Variants in PPM1H observed in about 807,000 individuals in gnomAD.
PPM1H encodes protein phosphatase 1H.
A neutral mutation model predicts 54.9 loss-of-function variants in PPM1H; 27 were observed. The observed-to-expected ratio is 0.49, with a 90% CI of 0.36 to 0.68. PPM1H has a LOEUF of 0.68. PPM1H is among the 30% of genes least tolerant of loss of function. The pLI is 0.00. For synonymous variants in PPM1H, 305 were observed against 270.8 expected, an observed-to-expected ratio of 1.13 and a Z score of -1.24; for missense variants, 596 against 667.8, an observed-to-expected ratio of 0.89 and a Z score of 1.19.
intron 2 of PPM1H, among the ~76,000 whole-genome samples, chr12:62,808,161 T>A (rs1304660931): frequency 1.3e-5 from 2 of 152,218 alleles, no homozygotes; most frequent in African/African-American, 2.4e-5. Flanking sequence ...AAACCTTATA[T>A]AGCAGGCAAT....
chr12:62,690,764 G>C (rs1165634335), intron 7 of PPM1H, among the ~76,000 whole-genome samples: 1 of 152,134 alleles, frequency 6.6e-6, no homozygotes, highest in Non-Finnish European at 1.5e-5. Context: ...TTGAGGTCAG[G>C]AGTTTGAGAC....
chr12:62,691,171 T>G (rs2076080877), intron 7 of PPM1H, among the ~76,000 whole-genome samples: 1 of 152,124 alleles, frequency 6.6e-6, no homozygotes, highest in African/African-American at 2.4e-5. Flanking sequence ...AAAGGTGGAT[T>G]GCATCAAGAC....
intron 1 of PPM1H, among the ~76,000 whole-genome samples, chr12:62,839,305 C>G (rs1183993440): frequency 6.6e-6 from 1 of 152,122 alleles, no homozygotes; most frequent in Non-Finnish European, 1.5e-5. Flanking sequence ...AAACTGGGGT[C>G]TCAAGGGCCA....
rs1224580883 is a variant in PPM1H at position 62,737,664 on chromosome 12, G to A, written c.870-78C>T. ...CTGTTACAACCATTGCTTGGTTCAG[G>A]TCACACATGAAATGCCAAGAGATGT... On this transcript the variant is annotated intron_variant, in intron 4 of 9. Coordinates refer to ENST00000228705, the MANE Select transcript of PPM1H (RefSeq NM_020700.2). 3 of 1,020,834 alleles carry A rather than the reference G, an allele frequency of 2.9e-6. No homozygotes were observed. The Admixed American group carries it at 8.5e-5, about 29-fold the overall frequency. The allele number at this position is 1,020,834 out of a possible 1,614,324, so 63.2% of individuals were successfully genotyped here.
At chr12:62,920,257 G>A (rs563809349) in intron 1 of PPM1H, among the ~76,000 whole-genome samples, 3 of 152,130 alleles carry the variant, frequency 2.0e-5, no homozygotes, top group South Asian at 2.1e-4. Context: ...CATCCTCCTC[G>A]GTTACTTATT....
At chr12:62,658,212 T>TTA (rs768288538) in intron 9 of PPM1H, among the ~76,000 whole-genome samples, 2 of 130,534 alleles carry the variant, frequency 1.5e-5, no homozygotes, top group African/African-American at 3.0e-5. Context: ...TTTTTTTTTT[T>TTA]AAGTAAAAAA....
rs923263890 is a variant in PPM1H, at chr12:62,768,709, C to CT, written c.869+19516dup. 3.3e-5 allele frequency among the ~76,000 whole-genome samples: 5 copies of CT among 151,762 alleles called. No homozygotes were observed. The East Asian group carries it at 7.8e-4, about 24-fold the overall frequency. On this transcript the variant is annotated intron_variant, in intron 4 of 9. Coordinates refer to ENST00000228705, the MANE Select transcript of PPM1H (RefSeq NM_020700.2). ...GGGAAGGTTGTGCGAAATGAGAGAA[C>CT]TTTGAGTATGTTTGCAGGCAGGTAA...
chr12:62,742,094 C>A (rs1453165559), intron 4 of PPM1H, among the ~76,000 whole-genome samples: 1 of 151,902 alleles, frequency 6.6e-6, no homozygotes, highest in Non-Finnish European at 1.5e-5. Context: ...GAGGGGGCAG[C>A]AATGGTAGCA....
At chr12:62,819,254 C>T (rs1050941848) in intron 2 of PPM1H, among the ~76,000 whole-genome samples, 2 of 151,772 alleles carry the variant, frequency 1.3e-5, no homozygotes, top group African/African-American at 4.8e-5. Flanking sequence ...CTCAGCCTCC[C>T]GAGTAACTGG....
At chr12:62,898,543 T>C (rs997088133) in intron 1 of PPM1H, among the ~76,000 whole-genome samples, 1 of 152,198 alleles carries the variant, frequency 6.6e-6, no homozygotes, top group African/African-American at 2.4e-5. Context: ...AGTGCAAACA[T>C]ACACAAATCA....
intron 4 of PPM1H, among the ~76,000 whole-genome samples, chr12:62,759,183 T>G (rs189572423): frequency 1.5e-3 from 236 of 152,332 alleles, no homozygotes; most frequent in Middle Eastern, 3.4e-3. Context: ...GGTGGTCTCT[T>G]CACACGAACA....
chr12:62,819,921 G>T (rs2076891884), intron 2 of PPM1H, among the ~76,000 whole-genome samples: 1 of 152,186 alleles, frequency 6.6e-6, no homozygotes, highest in Non-Finnish European at 1.5e-5. Flanking sequence ...CATTGGGACT[G>T]GTTGGACAGT....
At chr12:62,800,545 A>T (rs2076761663) in intron 3 of PPM1H, among the ~76,000 whole-genome samples, 2 of 151,522 alleles carry the variant, frequency 1.3e-5, no homozygotes, top group Admixed American at 6.6e-5. Context: ...CACCTTATTC[A>T]CCAGGCTGGT....
At chr12:62,743,796 C>G (rs1413802854) in intron 4 of PPM1H, among the ~76,000 whole-genome samples, 1 of 151,938 alleles carries the variant, frequency 6.6e-6, no homozygotes, top group Non-Finnish European at 1.5e-5. Context: ...TGAAAAGATG[C>G]TCAATCTCAC....
intron 1 of PPM1H, among the ~76,000 whole-genome samples, chr12:62,869,073 G>A (rs1479146403): frequency 6.6e-6 from 1 of 152,154 alleles, no homozygotes; most frequent in Non-Finnish European, 1.5e-5. Context: ...TGCCTCTGGA[G>A]GTACACCTTG....
chr12:62,816,556 C>T (rs2076867783), intron 2 of PPM1H, among the ~76,000 whole-genome samples: 1 of 152,080 alleles, frequency 6.6e-6, no homozygotes, highest in African/African-American at 2.4e-5. Flanking sequence ...CAAGATATCT[C>T]ATTATGTATA....
intron 4 of PPM1H, among the ~76,000 whole-genome samples, chr12:62,780,654 T>C (rs1055383239): frequency 1.3e-5 from 2 of 152,236 alleles, no homozygotes; most frequent in Non-Finnish European, 2.9e-5. Context: ...TTACCTTTAC[T>C]GTGGTTAAGC....
intron 8 of PPM1H, among the ~76,000 whole-genome samples, 195 bp from the exon 9 acceptor site, chr12:62,667,524 T>C (rs544617081): frequency 2.0e-5 from 3 of 152,298 alleles, no homozygotes; most frequent in South Asian, 4.1e-4. Context: ...TATAGACACA[T>C]GGGGCCTAAT....
chr12:62,780,956 G>A (rs1041232025), intron 4 of PPM1H, among the ~76,000 whole-genome samples: 5 of 152,174 alleles, frequency 3.3e-5, no homozygotes, highest in African/African-American at 1.2e-4. Context: ...CTACTTCTAT[G>A]AACTTCATGA....
Sources: gnomAD v4.1 joint callset for allele counts (sites outside exome capture counted in the v4.1 genomes callset) on GRCh38, gnomAD v4.1.1 for gene constraint, MANE v1.5 for transcripts, NCBI Gene and HGNC (gene_info 2026-07-23, HGNC 2026-07-21) for gene names.